The following CNOT10 variants were observed in gnomAD, a reference collection of about 807,000 sequenced individuals.
CNOT10 encodes CCR4-NOT transcription complex, subunit 10.
Under a neutral mutation model 94.6 loss-of-function variants are expected in CNOT10, and 30 were observed. The observed-to-expected ratio is 0.32, with a 90% CI of 0.24 to 0.43. The LOEUF (loss-of-function observed/expected upper bound fraction) is 0.43. Ranked by LOEUF, CNOT10 falls within the 20% of genes least tolerant of loss-of-function variation. The pLI, the probability that CNOT10 is intolerant of heterozygous loss-of-function variation, is 1.00. For synonymous variants in CNOT10, 289 were observed against 301.6 expected, an observed-to-expected ratio of 0.96 and a Z score of 0.43; for missense variants, 759 against 877.2, an observed-to-expected ratio of 0.87 and a Z score of 1.70.
At chr3:32,755,307 C>A (rs1277524434) in intron 13 of CNOT10, among the ~76,000 whole-genome samples, 26 of 146,452 alleles carry the variant, frequency 1.8e-4, no homozygotes, top group African/African-American at 6.5e-4. Context: ...TTTCTTTTTT[C>A]TTTTTCTTTT....
chr3:32,695,529 G>A, intron 1 of CNOT10: 1 of 1,504,118 alleles, frequency 6.6e-7, no homozygotes, highest in Admixed American at 2.1e-5. Context: ...ATTGGAATGT[G>A]TCTGTGCTTT....
At position 32,696,516 on chromosome 3, in the gene CNOT10, G is replaced by A. The variant is rs72850441; in HGVS notation, c.23-7352G>A. ...GTTAACATGTAAAAGGTTATTTATT[G>A]AGCTCAGTTCTGTGAAATGTGTGTA... On this transcript the variant is annotated intron_variant, in intron 1 of 18. Transcript: ENST00000328834. 4.8e-3 allele frequency among the ~76,000 whole-genome samples: 732 copies of A among 152,266 alleles called. 10 individuals carry two copies. The highest frequency in any genetic ancestry group is 0.016 in the African/African-American group (685 of 41,550).
At chr3:32,734,290 T>C (rs1233976104) in intron 11 of CNOT10, among the ~76,000 whole-genome samples, 5 of 152,192 alleles carry the variant, frequency 3.3e-5, no homozygotes, top group Non-Finnish European at 7.3e-5. Context: ...AGATTCTCTT[T>C]GGGTATATCA....
At chr3:32,763,978 A>G (rs891196282) in intron 15 of CNOT10, among the ~76,000 whole-genome samples, 1 of 152,060 alleles carries the variant, frequency 6.6e-6, no homozygotes, top group South Asian at 2.1e-4. Flanking sequence ...TAAAAATACA[A>G]AATTAGCCAG....
Position 32,729,811 on chromosome 3 carries a change from C to G in CNOT10, c.1215+1941C>G, listed in dbSNP as rs1698856751. Among the ~76,000 whole-genome samples the G allele has an allele frequency of 2.3e-5, 3 of 129,912 alleles. No homozygotes were observed. In the Admixed American group the frequency reaches 2.8e-4, roughly 12 times the overall value. The allele number at this position is 129,912 out of a possible 152,430, so 85.2% of individuals were successfully genotyped here. The stretch of plus-strand genomic sequence containing the variant: ...TGAGACGGAGTCTCGCCCTGTCGCC[C>G]AGGCTGGAGTGCAGTGGCGGGATCT... On this transcript the variant is annotated intron_variant, in intron 10 of 18. Coordinates refer to ENST00000328834, the MANE Select transcript of CNOT10 (RefSeq NM_015442.3).
In CNOT10 at chr3:32,726,951, A is replaced by G. The variant is rs1046673167; in HGVS notation, c.1013-717A>G. ...ATCCTCCACGTCCCAGGTTCAAGCAATTTTCCTGCCTCAGCCTCCCGAGTA... is the reference window on the plus strand; with the variant it reads ...ATCCTCCACGTCCCAGGTTCAAGCAGTTTTCCTGCCTCAGCCTCCCGAGTA... On this transcript the variant is annotated intron_variant, in intron 9 of 18. Coordinates refer to ENST00000328834, the MANE Select transcript of CNOT10 (RefSeq NM_015442.3). 1.2e-4 allele frequency among the ~76,000 whole-genome samples: 18 copies of G among 145,922 alleles called. No homozygotes were observed. In the Admixed American group the frequency reaches 1.3e-3, roughly 10 times the overall value.
intron 13 of CNOT10, among the ~76,000 whole-genome samples, chr3:32,755,319 C>CTTTTTTTTT (rs777391696): frequency 6.1e-5 from 8 of 131,186 alleles, no homozygotes; most frequent in Non-Finnish European, 8.2e-5. Context: ...TTTTCTTTTT[C>CTTTTTTTTT]TTTTTTTTTT....
intron 1 of CNOT10, among the ~76,000 whole-genome samples, chr3:32,701,222 A>C (rs1041613822): frequency 3.3e-5 from 5 of 152,020 alleles, no homozygotes; most frequent in African/African-American, 1.2e-4. Context: ...ACAGAGCAAG[A>C]CTCCATCTAA....
rs1024766892 is a variant in CNOT10 at position 32,729,999 on chromosome 3, A to C, written c.1215+2129A>C. Among the ~76,000 whole-genome samples, 3 of 150,852 alleles carry C rather than the reference A, an allele frequency of 2.0e-5. No individual in the cohort carries two copies. The East Asian group carries it at 5.8e-4, about 29-fold the overall frequency. On this transcript the variant is annotated intron_variant, in intron 10 of 18. Transcript: ENST00000328834. ...TAGCCGGGATGGTCTCGATCTCCTG[A>C]CCTCGTGATCCGCCCGCCTCGGCCT...
chr3:32,762,120 G>A (rs1005904473), intron 14 of CNOT10, among the ~76,000 whole-genome samples: 3 of 146,748 alleles, frequency 2.0e-5, no homozygotes, highest in Non-Finnish European at 4.5e-5. Flanking sequence ...TGTTGTTCTT[G>A]TGTAGAAAGT....
intron 17 of CNOT10, among the ~76,000 whole-genome samples, chr3:32,768,769 G>A (rs1700767580): frequency 6.6e-6 from 1 of 152,140 alleles, no homozygotes; most frequent in South Asian, 2.1e-4. Flanking sequence ...CATGCTCTGG[G>A]CAACATGCCC....
intron 13 of CNOT10, among the ~76,000 whole-genome samples, chr3:32,758,438 G>A (rs918109427): frequency 1.3e-5 from 2 of 152,140 alleles, no homozygotes; most frequent in Admixed American, 1.3e-4. Context: ...AATTTGCCCA[G>A]CTGTGCTTTT....
rs1172106029 is a variant in CNOT10, at chr3:32,734,804, G to A, written c.1342G>A (p.Gly448Arg). The change falls in exon 12 of 19, where the codon GGG becomes AGG. Residue 448 changes from glycine (G) to arginine (R), a missense_variant. Transcript: ENST00000328834. ...QSIQNTVYND[G>R]QSSAIPVASM... ...ATTTGGTTTTGTTCTTTTAAGTGATGGGCAGTCTTCGGCCATTCCTGTAGC... is the reference window on the plus strand; with the variant it reads ...ATTTGGTTTTGTTCTTTTAAGTGATAGGCAGTCTTCGGCCATTCCTGTAGC... 6.3e-7 allele frequency: 1 copy of A among 1,596,882 alleles called. No homozygotes were observed. The highest frequency in any genetic ancestry group is 8.5e-7 in the Non-Finnish European group (1 of 1,169,696).
At chr3:32,770,036 C>T in intron 18 of CNOT10, 74 bp downstream of exon 18, 1 of 1,142,358 alleles carries the variant, frequency 8.8e-7, no homozygotes, top group Non-Finnish European at 1.3e-6. Context: ...GACAGGGTCT[C>T]ACTGTGTTGC....
At chr3:32,743,556 C>A (rs1050319760) in intron 13 of CNOT10, among the ~76,000 whole-genome samples, 4 of 152,072 alleles carry the variant, frequency 2.6e-5, no homozygotes, top group Non-Finnish European at 5.9e-5. Flanking sequence ...ATTGCTTGAA[C>A]CCAGAAGGCA....
At chr3:32,735,172 G>A (rs939459799) in intron 12 of CNOT10, among the ~76,000 whole-genome samples, 196 bp downstream of exon 12, 3 of 152,160 alleles carry the variant, frequency 2.0e-5, no homozygotes, top group African/African-American at 7.2e-5. Flanking sequence ...AGTTAGGAGA[G>A]ATCCTTGAAA....
chr3:32,703,228 T>C (rs1225362616), intron 1 of CNOT10, among the ~76,000 whole-genome samples: 1 of 152,022 alleles, frequency 6.6e-6, no homozygotes, highest in Non-Finnish European at 1.5e-5. Flanking sequence ...CTGGCAACAT[T>C]AATCAGTTAT....
chr3:32,764,212 C>G, intron 15 of CNOT10: 3 of 449,168 alleles, frequency 6.7e-6, no homozygotes, highest in East Asian at 7.5e-5. Context: ...TGGCACATGC[C>G]TGTAATCCCA....
chr3:32,733,958 CAT>C (rs1699068338), intron 11 of CNOT10, among the ~76,000 whole-genome samples: 1 of 152,118 alleles, frequency 6.6e-6, no homozygotes. Flanking sequence ...TGTATTAAAA[CAT>C]AAAGCAACCA....
Sources: gnomAD v4.1 joint callset for allele counts (sites outside exome capture counted in the v4.1 genomes callset) on GRCh38, gnomAD v4.1.1 for gene constraint, MANE v1.5 for transcripts, NCBI Gene and HGNC (gene_info 2026-07-23, HGNC 2026-07-21) for gene names.